The following BOLA3 variants were observed in gnomAD, a reference collection of about 807,000 sequenced individuals.
The protein encoded by BOLA3 is bolA-like protein 3.
BOLA3 carries 8 observed loss-of-function variants against 14.5 expected under a neutral mutation model. The observed-to-expected ratio is 0.55, with a 90% CI of 0.32 to 0.99. The LOEUF (loss-of-function observed/expected upper bound fraction) is 0.99, where lower values mean the gene tolerates loss of function less well. Among genes scored for constraint, BOLA3 ranks in the 50% least tolerant of loss-of-function variants. The pLI, the probability that BOLA3 is intolerant of heterozygous loss-of-function variation, is 0.04. For synonymous variants in BOLA3, 42 were observed against 45.7 expected (o/e 0.92, Z 0.33); for missense variants, 115 against 138.2 (o/e 0.83, Z 0.84).
At chr2:74,146,158 A>C in intron 1 of BOLA3, 1 of 151,904 alleles carries the variant, frequency 6.6e-6, no homozygotes, top group East Asian at 1.9e-4. Context: ...ACGCTCGGCA[A>C]ATTTTTGTAT....
At chr2:74,141,628 C>T (rs368295558) in intron 3 of BOLA3, among the ~76,000 whole-genome samples, 1 of 152,094 alleles carries the variant, frequency 6.6e-6, no homozygotes, top group Admixed American at 6.6e-5. Context: ...ACCGAAGAGA[C>T]GCTCATTACC....
chr2:74,144,696 G>C (rs112635512), intron 2 of BOLA3, among the ~76,000 whole-genome samples: 81 of 152,332 alleles, frequency 5.3e-4, no homozygotes, highest in African/African-American at 1.9e-3. Flanking sequence ...TCTCCCCTGA[G>C]TCCCGGTTCT....
intron 1 of BOLA3, chr2:74,147,183 C>G (rs1241669065): frequency 6.5e-6 from 1 of 152,752 alleles, no homozygotes; most frequent in Non-Finnish European, 1.5e-5. Flanking sequence ...ACTGACATCC[C>G]CAGATGATCA....
chr2:74,142,458 A>G, intron 2 of BOLA3, 98 bp from the exon 3 acceptor site: 3 of 935,354 alleles, frequency 3.2e-6, no homozygotes, highest in Non-Finnish European at 5.2e-6. Context: ...AGGTCTGAAT[A>G]TTATCATTCA....
chr2:74,144,060 C>T (rs539922080), intron 2 of BOLA3, among the ~76,000 whole-genome samples: 2 of 146,980 alleles, frequency 1.4e-5, no homozygotes, highest in South Asian at 2.1e-4. Context: ...GGCTGGAGTG[C>T]AGTGGCATGA....
chr2:74,140,281 G>C (rs1281603257), intron 3 of BOLA3, among the ~76,000 whole-genome samples: 2 of 151,974 alleles, frequency 1.3e-5, no homozygotes, highest in African/African-American at 4.8e-5. Context: ...GATACTCTGT[G>C]GGAGGGAAAA....
intron 2 of BOLA3, 39 bp downstream of exon 2, chr2:74,145,150 C>T (rs1386221445): frequency 1.7e-6 from 2 of 1,211,566 alleles, no homozygotes; most frequent in Admixed American, 1.7e-5. Context: ...AGGGCAAAAT[C>T]TTATCCAAGC....
intron 3 of BOLA3, among the ~76,000 whole-genome samples, chr2:74,139,316 G>A (rs1397154699): frequency 6.6e-6 from 1 of 152,106 alleles, no homozygotes; most frequent in African/African-American, 2.4e-5. Flanking sequence ...AAATAGATGA[G>A]GCAAGCTTCA....
In BOLA3 at chr2:74,145,311, A is replaced by G; in HGVS notation, c.55-8T>C. On this transcript the variant is annotated splice_polypyrimidine_tract_variant and splice_region_variant and intron_variant, in intron 1 of 3. Transcript: ENST00000327428. The stretch of plus-strand genomic sequence containing the variant: ...CCGATGGTGAAGTGGAAGCTGCCAC[A>G]GAACAGAGAGGAAGGTCAGGGCAGA... 1 of 1,508,420 alleles carries G rather than the reference A, an allele frequency of 6.6e-7. No individual in the cohort carries two copies. Among genetic ancestry groups the G allele is most frequent in the South Asian group, 1.1e-5 (1 of 88,860 alleles). The allele number at this position is 1,508,420 out of a possible 1,614,324, so 93.4% of individuals were successfully genotyped here.
intron 3 of BOLA3, among the ~76,000 whole-genome samples, chr2:74,138,310 C>T (rs1692371050): frequency 6.6e-6 from 1 of 152,216 alleles, no homozygotes; most frequent in Non-Finnish European, 1.5e-5. Flanking sequence ...GAGGAAAAGG[C>T]GTGGGAAAGT....
At chr2:74,147,669 G>A (rs926933132) in intron 1 of BOLA3, 152 bp downstream of exon 1, 3 of 734,092 alleles carry the variant, frequency 4.1e-6, no homozygotes, top group Non-Finnish European at 6.9e-6. Context: ...ATGAATGAAA[G>A]AATGAATGAG....
In BOLA3 at chr2:74,135,538, T is replaced by G. The variant is rs1178015540; in HGVS notation, c.*55A>C. 6.2e-6 allele frequency: 10 copies of G among 1,610,390 alleles called. No individual in the cohort carries two copies. The highest frequency in any genetic ancestry group is 8.5e-6 in the Non-Finnish European group (10 of 1,177,236). Reference sequence around the variant, plus strand: ...GGTGACTGCTTAGGGAAGAATGATGTCAGTGAAGTTCATCCAAGGTCTTAA... The same window carrying G: ...GGTGACTGCTTAGGGAAGAATGATGGCAGTGAAGTTCATCCAAGGTCTTAA... On this transcript the variant is annotated 3_prime_UTR_variant, in exon 4 of 4. Coordinates refer to ENST00000327428, the MANE Select transcript of BOLA3 (RefSeq NM_212552.3).
intron 3 of BOLA3, among the ~76,000 whole-genome samples, chr2:74,141,711 G>A: frequency 6.6e-6 from 1 of 152,178 alleles, no homozygotes; most frequent in East Asian, 1.9e-4. Flanking sequence ...AACACACCCA[G>A]TGAGGGGGCA....
intron 3 of BOLA3, among the ~76,000 whole-genome samples, chr2:74,138,779 G>A (rs1692383524): frequency 6.6e-6 from 1 of 152,228 alleles, no homozygotes; most frequent in African/African-American, 2.4e-5. Flanking sequence ...GACGGCAACA[G>A]CTGTTTAGCA....
At chr2:74,147,392 G>C (rs1002867030) in intron 1 of BOLA3, 1 of 249,494 alleles carries the variant, frequency 4.0e-6, no homozygotes, top group Admixed American at 5.8e-5. Flanking sequence ...CCGGTAGTGT[G>C]GGATTTGGAG....
intron 1 of BOLA3, chr2:74,145,684 A>G (rs1416004073): frequency 9.6e-6 from 3 of 311,130 alleles, no homozygotes; most frequent in Non-Finnish European, 1.3e-5. Flanking sequence ...TAAGATACAG[A>G]GCCAGAAAAG....
intron 1 of BOLA3, chr2:74,146,927 G>C (rs567331492): frequency 6.6e-6 from 1 of 152,598 alleles, no homozygotes; most frequent in African/African-American, 2.4e-5. Flanking sequence ...TCCAGAGTGT[G>C]ATTGTCTGCC....
chr2:74,140,341 C>G (rs1390615641), intron 3 of BOLA3, among the ~76,000 whole-genome samples: 1 of 152,108 alleles, frequency 6.6e-6, no homozygotes, highest in African/African-American at 2.4e-5. Flanking sequence ...GATGTGAGTT[C>G]TCCAAAACAG....
intron 3 of BOLA3, among the ~76,000 whole-genome samples, chr2:74,137,599 T>A (rs75484979): frequency 2.6e-5 from 4 of 150,958 alleles, no homozygotes; most frequent in African/African-American, 7.3e-5. Flanking sequence ...AAAAAAAAAA[T>A]AGAGTCTACT....
Sources: gnomAD v4.1 joint callset for allele counts (sites outside exome capture counted in the v4.1 genomes callset) on GRCh38, gnomAD v4.1.1 for gene constraint, MANE v1.5 for transcripts, NCBI Gene and HGNC (gene_info 2026-07-23, HGNC 2026-07-21) for gene names.